The following KCTD16 variants were observed in gnomAD, a reference collection of about 807,000 sequenced individuals.
KCTD16 encodes the protein potassium channel tetramerization domain containing 16.
KCTD16 carries 13 observed loss-of-function variants against 33.2 expected under a neutral mutation model. The observed-to-expected ratio is 0.39, with a 90% confidence interval of 0.25 to 0.62. KCTD16 has a LOEUF of 0.62. Ranked by LOEUF, KCTD16 falls within the 20% of genes least tolerant of loss-of-function variation. The pLI is 0.50. For missense variants in KCTD16, 441 were observed against 525.1 expected (o/e 0.84, Z 1.57); for synonymous variants, 197 against 195.3 (o/e 1.01, Z -0.07).
intron 3 of KCTD16, among the ~76,000 whole-genome samples, chr5:144,404,938 T>C (rs1752779818): frequency 6.6e-6 from 1 of 152,206 alleles, no homozygotes; most frequent in Non-Finnish European, 1.5e-5. Flanking sequence ...CCATTCTATC[T>C]TGAAAGGAAT....
At chr5:144,369,885 A>G (rs1183217926) in intron 3 of KCTD16, among the ~76,000 whole-genome samples, 1 of 152,196 alleles carries the variant, frequency 6.6e-6, no homozygotes, top group East Asian at 1.9e-4. Flanking sequence ...ATAAGAAAAC[A>G]TATGTAGTAT....
chr5:144,209,285 T>A (rs1753291248), intron 3 of KCTD16, among the ~76,000 whole-genome samples: 1 of 152,184 alleles, frequency 6.6e-6, no homozygotes, highest in Non-Finnish European at 1.5e-5. Flanking sequence ...CCAGTGGCAT[T>A]TCTGTGTTCA....
chr5:144,454,244 A>G (rs1436333456), intron 3 of KCTD16, among the ~76,000 whole-genome samples: 1 of 152,206 alleles, frequency 6.6e-6, no homozygotes, highest in Non-Finnish European at 1.5e-5. Context: ...GTTTTATTTC[A>G]GTAACAAGTT....
intron 3 of KCTD16, among the ~76,000 whole-genome samples, chr5:144,423,205 C>G (rs1245046591): frequency 6.6e-6 from 1 of 152,066 alleles, no homozygotes; most frequent in Non-Finnish European, 1.5e-5. Context: ...AGATGATAAG[C>G]TTTGAATGGA....
At chr5:144,341,054 A>T (rs1320563386) in intron 3 of KCTD16, among the ~76,000 whole-genome samples, 1 of 152,200 alleles carries the variant, frequency 6.6e-6, no homozygotes, top group Non-Finnish European at 1.5e-5. Context: ...TCAAAAAAAC[A>T]AACAAAAAAA....
intron 3 of KCTD16, among the ~76,000 whole-genome samples, chr5:144,464,168 A>G (rs925354541): frequency 2.6e-5 from 4 of 152,216 alleles, no homozygotes; most frequent in African/African-American, 7.2e-5. Context: ...TCTTTGGCCA[A>G]TACATTCCTG....
intron 3 of KCTD16, among the ~76,000 whole-genome samples, chr5:144,259,223 A>C (rs1754935378): frequency 7.5e-6 from 1 of 133,632 alleles, no homozygotes; most frequent in Non-Finnish European, 1.5e-5. Flanking sequence ...GCGCCGCTGC[A>C]CTCCAGGCTG....
At chr5:144,248,985 C>T (rs1052613477) in intron 3 of KCTD16, among the ~76,000 whole-genome samples, 4 of 152,128 alleles carry the variant, frequency 2.6e-5, no homozygotes, top group Admixed American at 2.6e-4. Context: ...AGCAAAGATC[C>T]TGATCTTGGA....
At chr5:144,372,399 T>C (rs915867534) in intron 3 of KCTD16, among the ~76,000 whole-genome samples, 6 of 152,208 alleles carry the variant, frequency 3.9e-5, no homozygotes, top group African/African-American at 1.4e-4. Flanking sequence ...CCAGTCACTG[T>C]ACGAAGGAGG....
At chr5:144,238,869 A>G (rs896954284) in intron 3 of KCTD16, among the ~76,000 whole-genome samples, 1 of 152,176 alleles carries the variant, frequency 6.6e-6, no homozygotes, top group Non-Finnish European at 1.5e-5. Context: ...CTAGGGATAC[A>G]ACTAGGAAAA....
intron 3 of KCTD16, among the ~76,000 whole-genome samples, chr5:144,299,126 ATATATATATATATATATATATATTTT>A (rs1370780193): frequency 0.014 from 330 of 23,806 alleles, 14 homozygotes; most frequent in Middle Eastern, 0.019. Flanking sequence ...ATATATATAT[ATATATATATATATATATATATATTTT>A]TTTTTTTTTT....
intron 3 of KCTD16, among the ~76,000 whole-genome samples, chr5:144,299,112 A>ATATATG (rs1756150267): frequency 7.1e-5 from 1 of 14,000 alleles, no homozygotes; most frequent in African/African-American, 4.1e-4. Flanking sequence ...ATATATATAT[A>ATATATG]TATATATATA....
At chr5:144,340,401 CAA>C (rs1208475292) in intron 3 of KCTD16, among the ~76,000 whole-genome samples, 2,800 of 48,012 alleles carry the variant, frequency 0.058, 21 homozygotes, top group African/African-American at 0.082. Flanking sequence ...GACTCCATCT[CAA>C]AAAAAAAAAA....
rs942133533 is a variant in KCTD16, at chr5:144,477,739, A to T, written c.*3625A>T. 1 of 152,052 alleles carries T rather than the reference A, an allele frequency of 6.6e-6. No homozygotes were observed. The highest frequency in any genetic ancestry group is 2.4e-5 in the African/African-American group (1 of 41,394). 9.4% of individuals were successfully genotyped at this position (152,052 alleles called of 1,614,324 possible). A position where few individuals can be genotyped will look rare whatever the true frequency, so the allele number is the denominator to read the frequency against. ...ATGGGAACCAAATTTTGATTCTTATACATTTTCCTTTGCTACAATTCCAAC... is the reference window on the plus strand; with the variant it reads ...ATGGGAACCAAATTTTGATTCTTATTCATTTTCCTTTGCTACAATTCCAAC... On this transcript the variant is annotated 3_prime_UTR_variant, in exon 4 of 4. Coordinates refer to ENST00000512467, the MANE Select transcript of KCTD16 (RefSeq NM_020768.4).
rs1279176462 is a variant in KCTD16 at position 144,202,503 on chromosome 5, G to T, written c.-326-3886G>T. On this transcript the variant is annotated intron_variant, in intron 2 of 3. Coordinates refer to ENST00000512467, the MANE Select transcript of KCTD16 (RefSeq NM_020768.4). ...CAAGAAGGAGTACAGATCTGGGGATGTTAACCTGAGGTCTATGAACCCCAA... is the reference window on the plus strand; with the variant it reads ...CAAGAAGGAGTACAGATCTGGGGATTTTAACCTGAGGTCTATGAACCCCAA... Among the ~76,000 whole-genome samples the T allele has an allele frequency of 3.3e-5, 5 of 152,288 alleles. No homozygotes were observed. In the East Asian group the frequency reaches 7.7e-4, roughly 24 times the overall value.
intron 3 of KCTD16, among the ~76,000 whole-genome samples, chr5:144,254,039 G>GT (rs1409376711): frequency 7.2e-5 from 11 of 152,180 alleles, no homozygotes; most frequent in Non-Finnish European, 1.3e-4. Flanking sequence ...TGTCTCTAGG[G>GT]TAACAATTTG....
intron 3 of KCTD16, among the ~76,000 whole-genome samples, chr5:144,380,650 T>A (rs565705648): frequency 6.6e-6 from 1 of 152,000 alleles, no homozygotes; most frequent in African/African-American, 2.4e-5. Context: ...GACACATAGA[T>A]CAATGGAACA....
At chr5:144,342,979 G>A (rs1484494483) in intron 3 of KCTD16, among the ~76,000 whole-genome samples, 1 of 152,162 alleles carries the variant, frequency 6.6e-6, no homozygotes, top group East Asian at 1.9e-4. Flanking sequence ...GATTTGGTTT[G>A]CTAGTATTTT....
chr5:144,442,450 C>CTTTCT (rs1554095073), intron 3 of KCTD16, among the ~76,000 whole-genome samples: 5 of 147,762 alleles, frequency 3.4e-5, no homozygotes, highest in African/African-American at 7.6e-5. Flanking sequence ...TCTTTTCTTT[C>CTTTCT]TTCTTTCTTT....
Sources: gnomAD v4.1 joint callset for allele counts (sites outside exome capture counted in the v4.1 genomes callset) on GRCh38, gnomAD v4.1.1 for gene constraint, MANE v1.5 for transcripts, NCBI Gene and HGNC (gene_info 2026-07-23, HGNC 2026-07-21) for gene names.